Variants in RPS6KC1 observed in about 807,000 individuals in gnomAD.
RPS6KC1 encodes ribosomal protein S6 kinase C1.
Under a neutral mutation model 103.8 loss-of-function variants are expected in RPS6KC1, and 54 were observed. That is an observed-to-expected ratio of 0.52 (90% CI 0.42 to 0.65). The LOEUF is 0.65. Among genes scored for constraint, RPS6KC1 ranks in the 30% least tolerant of loss-of-function variants. The pLI is 0.00. For missense variants in RPS6KC1, 1,151 were observed against 1,253.8 expected, an observed-to-expected ratio of 0.92 and a Z score of 1.24; for synonymous variants, 439 against 438.7, an observed-to-expected ratio of 1.00 and a Z score of -0.01.
the RPS6KC1 span, among the ~76,000 whole-genome samples, chr1:213,328,163 T>A: frequency 6.6e-6 from 1 of 152,210 alleles, no homozygotes; most frequent in Non-Finnish European, 1.5e-5. Context: ...TCTACATCTC[T>A]ATCTGGCTTT....
the RPS6KC1 span, among the ~76,000 whole-genome samples, chr1:213,358,475 T>C: frequency 6.6e-6 from 1 of 152,232 alleles, no homozygotes; most frequent in African/African-American, 2.4e-5. Flanking sequence ...GGATCAGTGG[T>C]GATATCCCCT....
chr1:213,769,035 C>T, the RPS6KC1 span, among the ~76,000 whole-genome samples: 2 of 152,178 alleles, frequency 1.3e-5, no homozygotes, highest in Non-Finnish European at 2.9e-5. Context: ...CTGCTTCCTT[C>T]TACAATATAT....
At chr1:213,586,136 C>T in the RPS6KC1 span, among the ~76,000 whole-genome samples, 4 of 152,212 alleles carry the variant, frequency 2.6e-5, no homozygotes, top group African/African-American at 4.8e-5. Context: ...CCATGGTGAC[C>T]TTGGCATGTC....
At chr1:213,279,315 A>G (rs2095118414), downstream of RPS6KC1, among the ~76,000 whole-genome samples, 1 of 152,172 alleles carries the variant, frequency 6.6e-6, no homozygotes, top group Non-Finnish European at 1.5e-5. Context: ...ATTTCTCTCA[A>G]GTGTATAGAG....
At chr1:213,338,125 T>C in the RPS6KC1 span, among the ~76,000 whole-genome samples, 1 of 152,206 alleles carries the variant, frequency 6.6e-6, no homozygotes, top group African/African-American at 2.4e-5. Context: ...GTTTCCTTAA[T>C]GTTAAATAAA....
chr1:213,843,175 T>C, the RPS6KC1 span, among the ~76,000 whole-genome samples: 1 of 152,226 alleles, frequency 6.6e-6, no homozygotes, highest in Non-Finnish European at 1.5e-5. Flanking sequence ...TTCTGCTGAT[T>C]GGATGAGATC....
intron 6 of RPS6KC1, among the ~76,000 whole-genome samples, chr1:213,150,404 C>T (rs2088556486): frequency 6.7e-6 from 1 of 148,364 alleles, no homozygotes; most frequent in African/African-American, 2.5e-5. Context: ...GAGGGAAGGT[C>T]AGCAGATAAA....
chr1:213,094,529 ATCTG>A (rs2081282157), intron 3 of RPS6KC1, among the ~76,000 whole-genome samples: 1 of 152,100 alleles, frequency 6.6e-6, no homozygotes, highest in Admixed American at 6.6e-5. Flanking sequence ...CACAAGCTAT[ATCTG>A]TCTGATTGTT....
At chr1:213,114,764 G>A (rs183525834) in intron 4 of RPS6KC1, among the ~76,000 whole-genome samples, 2 of 152,092 alleles carry the variant, frequency 1.3e-5, no homozygotes, top group African/African-American at 2.4e-5. Context: ...TAGCACGAAG[G>A]GTTGTTGAAT....
the RPS6KC1 span, among the ~76,000 whole-genome samples, chr1:213,583,855 A>G: frequency 1.4e-5 from 2 of 145,214 alleles, no homozygotes; most frequent in African/African-American, 5.6e-5. Flanking sequence ...AGAAAAAAAA[A>G]GAAAAAAAAG....
chr1:213,392,634 T>TTTG, the RPS6KC1 span, among the ~76,000 whole-genome samples: 1 of 152,224 alleles, frequency 6.6e-6, no homozygotes, highest in Non-Finnish European at 1.5e-5. Context: ...ATCTTTGTAT[T>TTTG]TATTTCAATG....
At chr1:213,520,321 G>A in the RPS6KC1 span, among the ~76,000 whole-genome samples, 8 of 152,250 alleles carry the variant, frequency 5.3e-5, no homozygotes, top group South Asian at 2.1e-4. Context: ...AGAGCCAAGC[G>A]AAAGGGGAAA....
the RPS6KC1 span, among the ~76,000 whole-genome samples, chr1:213,640,014 T>A: frequency 6.6e-6 from 1 of 152,034 alleles, no homozygotes; most frequent in African/African-American, 2.4e-5. Flanking sequence ...GTAAATTACA[T>A]ATGGATCTGG....
chr1:213,337,980 G>T, the RPS6KC1 span, among the ~76,000 whole-genome samples: 1 of 152,286 alleles, frequency 6.6e-6, no homozygotes, highest in East Asian at 1.9e-4. Context: ...TAGGAGTGGC[G>T]TGTGTGTCTG....
chr1:213,115,667 T>G (rs900789643), intron 4 of RPS6KC1, among the ~76,000 whole-genome samples: 1 of 151,710 alleles, frequency 6.6e-6, no homozygotes, highest in African/African-American at 2.4e-5. Context: ...TTTGGATCTT[T>G]CCTGCTTTCT....
the RPS6KC1 span, among the ~76,000 whole-genome samples, chr1:213,775,414 G>A: frequency 6.6e-6 from 1 of 151,994 alleles, no homozygotes; most frequent in East Asian, 1.9e-4. Flanking sequence ...CATGGATTTG[G>A]TTCCAGACCA....
chr1:213,093,005 A>G (rs1480338852), intron 3 of RPS6KC1, among the ~76,000 whole-genome samples: 2 of 152,124 alleles, frequency 1.3e-5, no homozygotes, highest in Non-Finnish European at 2.9e-5. Flanking sequence ...CTTAGCTGTT[A>G]TTATCAGCTG....
chr1:213,155,888 G>A (rs2089832085), intron 6 of RPS6KC1, among the ~76,000 whole-genome samples: 1 of 152,024 alleles, frequency 6.6e-6, no homozygotes, highest in Non-Finnish European at 1.5e-5. Flanking sequence ...AGACCTAAAA[G>A]GATCAAACTA....
intron 8 of RPS6KC1, among the ~76,000 whole-genome samples, chr1:213,222,875 A>G (rs1210281190): frequency 6.6e-6 from 1 of 152,236 alleles, no homozygotes; most frequent in African/African-American, 2.4e-5. Context: ...TAGAAGGATA[A>G]CATTACCAGC....
Sources: allele counts gnomAD v4.1 joint callset (sites outside exome capture counted in the v4.1 genomes callset), GRCh38; gene constraint gnomAD v4.1.1; transcripts MANE v1.5; gene names NCBI Gene and HGNC (gene_info 2026-07-23, HGNC 2026-07-21).